The following LIPA variants were observed in gnomAD, a reference collection of about 807,000 sequenced individuals.
LIPA encodes the protein lysosomal acid lipase/cholesteryl ester hydrolase.
LIPA carries 26 observed loss-of-function variants against 40.6 expected under a neutral mutation model. That is an observed-to-expected ratio of 0.64 (90% confidence interval 0.47 to 0.89). The LOEUF (loss-of-function observed/expected upper bound fraction) is 0.89. LIPA is among the 40% of genes least tolerant of loss of function. The probability of loss-of-function intolerance (pLI) is 0.00; values close to 1 mark genes in which losing one functional copy is unlikely to be tolerated. For synonymous variants in LIPA, 188 were observed against 168.4 expected (o/e 1.12, Z -0.90); for missense variants, 455 against 479.6 (o/e 0.95, Z 0.48).
At chr10:89,334,799 G>A (rs1169976673) in intron 1 of LIPA, among the ~76,000 whole-genome samples, 9 of 151,958 alleles carry the variant, frequency 5.9e-5, no homozygotes, top group Non-Finnish European at 5.9e-5. Context: ...CCACCTAGCT[G>A]TTCTTTATCA....
chr10:89,258,750 A>G (rs1226136341), intron 1 of LIPA, among the ~76,000 whole-genome samples: 3 of 152,248 alleles, frequency 2.0e-5, no homozygotes, highest in Admixed American at 6.5e-5. Flanking sequence ...AAACTTGTAC[A>G]TGAATGTTCA....
intron 3 of LIPA, among the ~76,000 whole-genome samples, chr10:89,236,264 A>G (rs1348832450): frequency 6.6e-6 from 1 of 152,260 alleles, no homozygotes; most frequent in Non-Finnish European, 1.5e-5. Flanking sequence ...GTATTAAATC[A>G]TAACTGCATA....
At position 89,397,248 on chromosome 10, in the gene LIPA, G is replaced by A. The variant is rs371931664; in HGVS notation, c.61+15543C>T. On this transcript the variant is annotated intron_variant, in intron 2 of 8. Coordinates refer to the LIPA transcript ENST00000371837. ...AATATTCTTGAGTATACATCCTTAT[G>A]TACTGGTTATTTTTTTCTGGGAGAT... Among the ~76,000 whole-genome samples the A allele has an allele frequency of 8.6e-5, 13 of 151,926 alleles. No homozygotes were observed. The East Asian group carries it at 2.1e-3, about 25-fold the overall frequency.
chr10:89,402,752 G>C lies in LIPA; in HGVS notation c.61+10039C>G, dbSNP rs781112450. The C allele has an allele frequency of 1.9e-6, 3 of 1,614,180 alleles. No homozygotes were observed. The Admixed American group carries it at 5.0e-5, about 27-fold the overall frequency. ...AGTGTGGAGGAAAAAATTATGAACG[G>C]GCCAAGGCCTGCTTTGAAAAGGTGC... On this transcript the variant is annotated intron_variant, in intron 2 of 8. Coordinates refer to the LIPA transcript ENST00000371837.
At chr10:89,301,976 G>C (rs1051952112) in intron 1 of LIPA, 2 of 660,896 alleles carry the variant, frequency 3.0e-6, no homozygotes, top group African/African-American at 3.7e-5. Flanking sequence ...TGTAACGTCA[G>C]CTGAAGGGAA....
intron 2 of LIPA, chr10:89,404,029 C>T (rs956588231): frequency 1.0e-5 from 2 of 198,200 alleles, no homozygotes; most frequent in Non-Finnish European, 2.0e-5. Flanking sequence ...AAAATAAAAT[C>T]CTTAGCTCCT....
At chr10:89,302,101 C>T (rs770843745) in intron 1 of LIPA, 5 of 1,613,874 alleles carry the variant, frequency 3.1e-6, no homozygotes, top group Admixed American at 3.3e-5. Context: ...CCCTGCCGAA[C>T]AGCTGAGAAT....
rs1843617817 is a variant in LIPA, at chr10:89,328,214, G to GT, written c.-2+14396dup. On this transcript the variant is annotated intron_variant, in intron 1 of 5. Coordinates refer to the LIPA transcript ENST00000282673. ...TATGTCTTTATCAGTCTGAGCATTT[G>GT]TAAGATGTTTGAGGGGTTTTTCCCT... 22 of 934,362 alleles carry GT rather than the reference G, an allele frequency of 2.4e-5. No individual in the cohort carries two copies. In the South Asian group the frequency reaches 3.1e-4, roughly 13 times the overall value. The allele number at this position is 934,362 out of a possible 1,614,324, so 57.9% of individuals were successfully genotyped here. A position where few individuals can be genotyped will look rare whatever the true frequency, so the allele number is the denominator to read the frequency against.
At chr10:89,332,090 G>A (rs1401394367) in intron 1 of LIPA, among the ~76,000 whole-genome samples, 1 of 152,120 alleles carries the variant, frequency 6.6e-6, no homozygotes, top group African/African-American at 2.4e-5. Flanking sequence ...AATTATCCAG[G>A]CATGGTGGTG....
intron 1 of LIPA, among the ~76,000 whole-genome samples, chr10:89,296,170 A>T (rs540601982): frequency 2.8e-4 from 42 of 152,198 alleles, no homozygotes; most frequent in African/African-American, 9.6e-4. Context: ...AACCTAACAT[A>T]CATTTCTGTA....
chr10:89,305,846 G>A (rs1016159325), intron 1 of LIPA: 32 of 722,346 alleles, frequency 4.4e-5, no homozygotes, highest in Admixed American at 1.4e-4. Context: ...AAGAAGGGGA[G>A]TTTCTTTGAT....
chr10:89,319,648 T>C (rs1012292519), intron 1 of LIPA, among the ~76,000 whole-genome samples: 2 of 152,210 alleles, frequency 1.3e-5, no homozygotes, highest in African/African-American at 4.8e-5. Flanking sequence ...GACGAGCTGG[T>C]ACCATTCCTT....
At chr10:89,319,571 T>G (rs1201164091) in intron 1 of LIPA, among the ~76,000 whole-genome samples, 1 of 152,190 alleles carries the variant, frequency 6.6e-6, no homozygotes, top group Non-Finnish European at 1.5e-5. Flanking sequence ...CAATAATTAA[T>G]AGCCTACCAA....
intron 2 of LIPA, chr10:89,393,028 C>A: frequency 1.2e-6 from 1 of 818,394 alleles, no homozygotes; most frequent in Admixed American, 3.2e-5. Flanking sequence ...CTGAGAGATT[C>A]TTTCCCATCA....
intron 1 of LIPA, among the ~76,000 whole-genome samples, chr10:89,321,536 G>A (rs891142819): frequency 2.0e-5 from 3 of 152,188 alleles, no homozygotes; most frequent in Non-Finnish European, 4.4e-5. Context: ...TCTCACACCC[G>A]TTAGAATGGC....
At chr10:89,262,497 T>G (rs1241532440) in intron 1 of LIPA, among the ~76,000 whole-genome samples, 1 of 152,236 alleles carries the variant, frequency 6.6e-6, no homozygotes, top group East Asian at 1.9e-4. Context: ...CTCAGTATCT[T>G]TCTTCCTGTC....
At chr10:89,225,785 A>C (rs1842761431) in intron 5 of LIPA, among the ~76,000 whole-genome samples, 1 of 152,116 alleles carries the variant, frequency 6.6e-6, no homozygotes, top group Non-Finnish European at 1.5e-5. Flanking sequence ...ACCTGGTGGG[A>C]GATAATTGAA....
At position 89,282,097 on chromosome 10, in the gene LIPA, T is replaced by A. The variant is rs531335522; in HGVS notation, c.-1-34448A>T. The stretch of plus-strand genomic sequence containing the variant: ...ACCAAGGCACAGAACTACTGTGACT[T>A]TCCCAGAACCTCAGACCTAGACTGG... On this transcript the variant is annotated intron_variant, in intron 1 of 5. Transcript: ENST00000282673. 3.9e-5 allele frequency among the ~76,000 whole-genome samples: 6 copies of A among 152,318 alleles called. No individual in the cohort carries two copies. In the South Asian group the frequency reaches 8.3e-4, roughly 21 times the overall value.
At chr10:89,301,117 A>G (rs1843442966) in intron 1 of LIPA, among the ~76,000 whole-genome samples, 1 of 152,240 alleles carries the variant, frequency 6.6e-6, no homozygotes, top group African/African-American at 2.4e-5. Flanking sequence ...CAGTAGTTGT[A>G]TTATTCCCAA....
Sources: gnomAD v4.1 joint callset for allele counts (sites outside exome capture counted in the v4.1 genomes callset) on GRCh38, gnomAD v4.1.1 for gene constraint, MANE v1.5 for transcripts, NCBI Gene and HGNC (gene_info 2026-07-23, HGNC 2026-07-21) for gene names.